Variants in DOCK4 observed in about 807,000 individuals in gnomAD.
DOCK4 encodes dedicator of cytokinesis protein 4.
In DOCK4, 97 loss-of-function variants were observed where a neutral mutation model predicts 268.1. The ratio of observed to expected loss-of-function variants is 0.36; its 90% CI spans 0.31 to 0.43. The LOEUF (loss-of-function observed/expected upper bound fraction) is 0.43, where lower values mean the gene tolerates loss of function less well. DOCK4 is among the 20% of genes least tolerant of loss of function. DOCK4 has a pLI of 1.00. For synonymous variants in DOCK4, 954 were observed against 887.2 expected (o/e 1.08, Z -1.34); for missense variants, 2,145 against 2,455.7 (o/e 0.87, Z 2.67).
intron 30 of DOCK4, among the ~76,000 whole-genome samples, chr7:111,798,992 C>G (rs932642318): frequency 6.6e-6 from 1 of 152,126 alleles, no homozygotes; most frequent in African/African-American, 2.4e-5. Flanking sequence ...CAGAAAGAAA[C>G]AAGTGAGGTA....
chr7:111,811,789 G>T, intron 28 of DOCK4, 85 bp downstream of exon 28: 1 of 809,368 alleles, frequency 1.2e-6, no homozygotes, highest in Non-Finnish European at 2.0e-6. Flanking sequence ...AAACTAATAC[G>T]GCCCAAGAAA....
chr7:112,024,532 C>T (rs535923364), intron 1 of DOCK4, among the ~76,000 whole-genome samples: 1 of 152,202 alleles, frequency 6.6e-6, no homozygotes, highest in South Asian at 2.1e-4. Context: ...TCTACCCAAC[C>T]CATCAACAAA....
intron 1 of DOCK4, among the ~76,000 whole-genome samples, chr7:112,145,463 C>T (rs115129902): frequency 5.7e-4 from 87 of 152,208 alleles, no homozygotes; most frequent in African/African-American, 1.7e-3. Context: ...GGAAAAGGGC[C>T]GCGGGGCTCG....
Position 111,783,885 on chromosome 7 carries a change from G to A in DOCK4, c.3496C>T (p.Arg1166Cys), listed in dbSNP as rs1307752108. 5 of 1,604,404 alleles carry A rather than the reference G, an allele frequency of 3.1e-6. No homozygotes were observed. The highest frequency in any genetic ancestry group is 2.7e-5 in the African/African-American group (2 of 74,750). The part of the protein sequence containing the change: ...SGVSLIATVT[R>C]LMERLLDYRD... Reference sequence around the variant, plus strand: ...TAATCTAACAACCTCTCCATTAGACGAGTTACAGTAGCAATTAATGAAACG... The same window carrying A: ...TAATCTAACAACCTCTCCATTAGACAAGTTACAGTAGCAATTAATGAAACG... Residue 1166 changes from arginine to cysteine, a missense_variant, in exon 34 of 53, where the codon CGT becomes TGT. Arg to Cys is a radical substitution (Grantham distance 180). This residue lies in a region of DOCK4 where 1,598 missense variants were observed against 1,986.7 expected (regional missense o/e 0.80). Coordinates refer to ENST00000428084, the MANE Select transcript of DOCK4 (RefSeq NM_001363540.2).
chr7:112,101,007 G>A (rs150979403), intron 1 of DOCK4, among the ~76,000 whole-genome samples: 1,528 of 152,264 alleles, frequency 0.01, 20 homozygotes, highest in African/African-American at 0.034. Flanking sequence ...ATAGGAAATA[G>A]CCATTCATCT....
chr7:111,892,949 C>T (rs990636415), intron 16 of DOCK4, among the ~76,000 whole-genome samples: 1 of 152,116 alleles, frequency 6.6e-6, no homozygotes, highest in Non-Finnish European at 1.5e-5. Context: ...TTCTGTGGAG[C>T]AAATGCTTCC....
At chr7:111,980,409 C>A (rs1025201776) in intron 7 of DOCK4, among the ~76,000 whole-genome samples, 99 of 152,326 alleles carry the variant, frequency 6.5e-4, no homozygotes, top group Non-Finnish European at 9.4e-4. Context: ...TTTGTGGCTA[C>A]AAATGCACCT....
chr7:111,834,541 T>TA (rs1803086932), intron 26 of DOCK4, 47 bp downstream of exon 26: 3 of 1,402,514 alleles, frequency 2.1e-6, no homozygotes, highest in Admixed American at 2.2e-5. Flanking sequence ...AAAAACAAGA[T>TA]AAACCCAAAA....
chr7:111,853,247 C>T (rs536767381), intron 23 of DOCK4, among the ~76,000 whole-genome samples: 15 of 152,248 alleles, frequency 9.9e-5, no homozygotes, highest in East Asian at 3.9e-4. Flanking sequence ...TCACCAAGAG[C>T]GCGAGGTCTG....
intron 42 of DOCK4, among the ~76,000 whole-genome samples, chr7:111,754,511 T>C (rs1048129350): frequency 7.9e-5 from 12 of 152,172 alleles, no homozygotes; most frequent in Admixed American, 3.3e-4. Context: ...ACTATGGCAA[T>C]GAAAGGGTGA....
At chr7:111,762,418 T>A (rs1400643685) in intron 39 of DOCK4, among the ~76,000 whole-genome samples, 3 of 152,234 alleles carry the variant, frequency 2.0e-5, no homozygotes, top group Non-Finnish European at 4.4e-5. Context: ...TTTTTGTTTC[T>A]ATGGATTTGC....
At chr7:111,934,143 G>A (rs994537104) in intron 12 of DOCK4, among the ~76,000 whole-genome samples, 7 of 152,144 alleles carry the variant, frequency 4.6e-5, no homozygotes, top group African/African-American at 1.2e-4. Context: ...TCTTTATATC[G>A]ATTAAAGCAC....
intron 12 of DOCK4, among the ~76,000 whole-genome samples, chr7:111,929,591 C>T (rs1385879292): frequency 1.3e-5 from 2 of 152,152 alleles, no homozygotes; most frequent in African/African-American, 2.4e-5. Context: ...AATAAAATGA[C>T]TACATTGGTA....
intron 1 of DOCK4, among the ~76,000 whole-genome samples, chr7:112,081,691 G>A (rs959164115): frequency 6.6e-6 from 1 of 152,024 alleles, no homozygotes. Context: ...TCCAGTGCCC[G>A]TCAATACTCC....
intron 1 of DOCK4, among the ~76,000 whole-genome samples, chr7:112,153,947 C>A (rs1816342706): frequency 6.6e-6 from 1 of 152,150 alleles, no homozygotes; most frequent in South Asian, 2.1e-4. Context: ...GAGTGGCAAA[C>A]TTCTTGTAGA....
At position 112,145,617 on chromosome 7, in the gene DOCK4, C is replaced by A. The variant is rs923290653; in HGVS notation, c.37+60485G>T. Among the ~76,000 whole-genome samples, 3 of 152,202 alleles carry A rather than the reference C, an allele frequency of 2.0e-5. No individual in the cohort carries two copies. In the South Asian group the frequency reaches 6.2e-4, roughly 32 times the overall value. On this transcript the variant is annotated intron_variant, in intron 1 of 52. Transcript: ENST00000428084. The stretch of plus-strand genomic sequence containing the variant: ...ACAGTTAATCTGTATACAAACCTAA[C>A]AGGATCATTAAGCAGGATTTTTATA...
Position 112,115,349 on chromosome 7 carries a change from C to T in DOCK4, c.37+90753G>A, listed in dbSNP as rs116154337. Among the ~76,000 whole-genome samples, 609 of 152,304 alleles carry T rather than the reference C, an allele frequency of 4.0e-3. 4 individuals are homozygous for T. Among genetic ancestry groups the T allele is most frequent in the African/African-American group, 0.014 (591 of 41,562 alleles). ...GACACTCAGTTCAGACGCAGTGAGT[C>T]CATCTGATGTGCTACTTCCTGAAAG... On this transcript the variant is annotated intron_variant, in intron 1 of 52. Transcript: ENST00000428084.
intron 26 of DOCK4, 30 bp downstream of exon 26, chr7:111,834,557 GT>G: frequency 6.8e-7 from 1 of 1,466,878 alleles, no homozygotes; most frequent in East Asian, 2.5e-5. Flanking sequence ...CAAAAGATAT[GT>G]TAAAGAAAAC....
rs371951499 is a variant in DOCK4, at chr7:111,935,528, C to T, written c.1066+12G>A. 221 of 1,611,606 alleles carry T rather than the reference C, an allele frequency of 1.4e-4. No individual in the cohort carries two copies. Among genetic ancestry groups the T allele is most frequent in the Non-Finnish European group, 1.8e-4 (216 of 1,178,560 alleles). ...AAAAGTGTAGGGAAAGTCAGCCAGC[C>T]CATACACTCACCTGCATTGGAGCCA... On this transcript the variant is annotated intron_variant, in intron 12 of 52. Coordinates refer to ENST00000428084, the MANE Select transcript of DOCK4 (RefSeq NM_001363540.2).
Sources: allele counts gnomAD v4.1 joint callset (sites outside exome capture counted in the v4.1 genomes callset), GRCh38; gene constraint gnomAD v4.1.1; regional missense constraint gnomAD v4.1.1; transcripts MANE v1.5; gene names NCBI Gene and HGNC (gene_info 2026-07-23, HGNC 2026-07-21).